The following CCDC178 variants were observed in gnomAD, a reference collection of about 807,000 sequenced individuals.
CCDC178 encodes the protein coiled-coil domain containing 178, also known as coiled-coil domain-containing protein 178.
In CCDC178, 126 loss-of-function variants were observed where a neutral mutation model predicts 117.4. That is an observed-to-expected ratio of 1.07 (90% CI 0.93 to 1.24). The LOEUF is 1.24. Among genes scored for constraint, CCDC178 ranks in the 50% most tolerant of loss-of-function variants. The pLI is 0.00. For synonymous variants in CCDC178, 283 were observed against 313.4 expected (o/e 0.90, Z 1.02); for missense variants, 1,030 against 986.9 (o/e 1.04, Z -0.59).
intron 11 of CCDC178, among the ~76,000 whole-genome samples, chr18:33,303,329 T>C (rs985109865): frequency 7.2e-5 from 11 of 151,890 alleles, no homozygotes; most frequent in Non-Finnish European, 1.5e-4. Flanking sequence ...TTACCAGGAG[T>C]TAGGTGGGAG....
intron 12 of CCDC178, among the ~76,000 whole-genome samples, chr18:33,271,148 AC>A (rs1446369333): frequency 6.6e-6 from 1 of 151,588 alleles, no homozygotes; most frequent in Admixed American, 6.6e-5. Context: ...AAAGTGTTAC[AC>A]AAAAGAAGGC....
chr18:32,967,619 C>T (rs982322204), intron 22 of CCDC178, among the ~76,000 whole-genome samples: 11 of 151,552 alleles, frequency 7.3e-5, no homozygotes, highest in Admixed American at 2.0e-4. Flanking sequence ...TGCAATAAAA[C>T]CATTTACAGT....
At chr18:33,430,326 T>C (rs1471914337) in intron 2 of CCDC178, among the ~76,000 whole-genome samples, 2 of 152,246 alleles carry the variant, frequency 1.3e-5, no homozygotes, top group East Asian at 1.9e-4. Flanking sequence ...TGAAATAGTC[T>C]TTTATATCTT....
chr18:33,405,889 A>C (rs2063773293), intron 3 of CCDC178, among the ~76,000 whole-genome samples: 1 of 152,056 alleles, frequency 6.6e-6, no homozygotes, highest in Non-Finnish European at 1.5e-5. Flanking sequence ...CTAGTACCAA[A>C]AATATGGTGT....
At chr18:33,045,143 C>T (rs2056618858) in intron 21 of CCDC178, among the ~76,000 whole-genome samples, 1 of 152,060 alleles carries the variant, frequency 6.6e-6, no homozygotes, top group Non-Finnish European at 1.5e-5. Flanking sequence ...AAGAAATCCA[C>T]ACTTGTACCC....
chr18:33,046,646 A>G (rs1357661712), intron 21 of CCDC178, among the ~76,000 whole-genome samples: 1 of 152,178 alleles, frequency 6.6e-6, no homozygotes, highest in African/African-American at 2.4e-5. Flanking sequence ...ACTATAATTC[A>G]ATGCAAAATG....
At chr18:33,191,193 G>A (rs156364) in intron 20 of CCDC178, among the ~76,000 whole-genome samples, 24,503 of 151,830 alleles carry the variant, frequency 0.16, 2,756 homozygotes, top group African/African-American at 0.32. Context: ...CCACCATAGT[G>A]GTACTCTACA....
intron 20 of CCDC178, among the ~76,000 whole-genome samples, chr18:33,163,355 T>C (rs1387463707): frequency 1.3e-5 from 2 of 152,198 alleles, no homozygotes; most frequent in African/African-American, 4.8e-5. Flanking sequence ...ACATGTGATT[T>C]GTACATACAG....
intron 20 of CCDC178, among the ~76,000 whole-genome samples, chr18:33,135,425 G>A (rs994170305): frequency 1.3e-5 from 2 of 151,940 alleles, no homozygotes; most frequent in East Asian, 1.9e-4. Context: ...ATGCAGCAAC[G>A]TATCAAAAAT....
At chr18:33,074,752 G>A (rs1157506428) in intron 21 of CCDC178, among the ~76,000 whole-genome samples, 2 of 152,242 alleles carry the variant, frequency 1.3e-5, no homozygotes, top group East Asian at 3.9e-4. Flanking sequence ...TACACCCTAT[G>A]GGGTTTGACA....
chr18:33,006,059 C>T (rs1451462415), intron 21 of CCDC178, among the ~76,000 whole-genome samples: 1 of 152,016 alleles, frequency 6.6e-6, no homozygotes, highest in Admixed American at 6.6e-5. Context: ...TATCAGTTAT[C>T]ATACATAAGG....
chr18:33,172,248 T>G (rs2058610643), intron 20 of CCDC178, among the ~76,000 whole-genome samples: 2 of 152,296 alleles, frequency 1.3e-5, no homozygotes, highest in Admixed American at 1.3e-4. Context: ...CCACTTGATA[T>G]CCTTTTTCTG....
intron 20 of CCDC178, among the ~76,000 whole-genome samples, chr18:33,183,118 C>T (rs2058749676): frequency 6.6e-6 from 1 of 151,826 alleles, no homozygotes; most frequent in African/African-American, 2.4e-5. Context: ...ATTTTATTGG[C>T]TTTACAACAG....
At chr18:33,021,855 T>C (rs2056126598) in intron 21 of CCDC178, among the ~76,000 whole-genome samples, 1 of 152,208 alleles carries the variant, frequency 6.6e-6, no homozygotes, top group South Asian at 2.1e-4. Context: ...TAGTGGTGGC[T>C]TCCTTTAAGG....
intron 18 of CCDC178, among the ~76,000 whole-genome samples, chr18:33,220,884 C>G (rs2059224657): frequency 6.6e-6 from 1 of 152,056 alleles, no homozygotes; most frequent in African/African-American, 2.4e-5. Context: ...CTTATGACTC[C>G]TAATTCCCAA....
chr18:33,365,630 T>C (rs2063193037), intron 6 of CCDC178, among the ~76,000 whole-genome samples: 1 of 152,138 alleles, frequency 6.6e-6, no homozygotes, highest in Admixed American at 6.6e-5. Flanking sequence ...GTTGATGTTA[T>C]TAATTTTGTA....
At chr18:33,360,882 G>T (rs1387401319) in intron 6 of CCDC178, among the ~76,000 whole-genome samples, 1 of 151,562 alleles carries the variant, frequency 6.6e-6, no homozygotes, top group Non-Finnish European at 1.5e-5. Flanking sequence ...GTTTACAAAT[G>T]GGAAGAATTA....
chr18:33,412,700 T>A lies in CCDC178; in HGVS notation c.-22-590A>T, dbSNP rs990577296. On this transcript the variant is annotated intron_variant, in intron 2 of 22. Coordinates refer to ENST00000383096, the MANE Select transcript of CCDC178 (RefSeq NM_001105528.4). The stretch of plus-strand genomic sequence containing the variant: ...TTGTATCTGTAAATATTTCAAAAAA[T>A]TTTTAAACATAGCCATAATACCAAT... Among the ~76,000 whole-genome samples the A allele has an allele frequency of 5.8e-4, 89 of 152,260 alleles. 1 individual carries two copies. Among genetic ancestry groups the A allele is most frequent in the South Asian group, 6.2e-4 (3 of 4,832 alleles).
intron 19 of CCDC178, among the ~76,000 whole-genome samples, chr18:33,213,862 T>G (rs2059134902): frequency 6.6e-6 from 1 of 152,018 alleles, no homozygotes; most frequent in Admixed American, 6.6e-5. Flanking sequence ...TTATATAAGG[T>G]TTGTCTCTCT....
Sources: allele counts gnomAD v4.1 joint callset (sites outside exome capture counted in the v4.1 genomes callset), GRCh38; gene constraint gnomAD v4.1.1; transcripts MANE v1.5; gene names NCBI Gene and HGNC (gene_info 2026-07-23, HGNC 2026-07-21).